The following GSE1 variants were observed in gnomAD, a reference collection of about 807,000 sequenced individuals.
GSE1 encodes genetic suppressor element 1.
A neutral mutation model predicts 112.6 loss-of-function variants in GSE1; 32 were observed. The observed-to-expected ratio is 0.28, with a 90% CI of 0.21 to 0.38. The LOEUF (loss-of-function observed/expected upper bound fraction) is 0.38. GSE1 is among the 10% of genes least tolerant of loss of function. The probability of loss-of-function intolerance (pLI) is 1.00; values close to 1 mark genes in which losing one functional copy is unlikely to be tolerated. For missense variants in GSE1, 2,348 were observed against 1,699.2 expected (o/e 1.38, Z -6.71); for synonymous variants, 1,115 against 735.6 (o/e 1.52, Z -8.35).
chr16:85,491,061 G>C (rs2050995721), intron 2 of GSE1, among the ~76,000 whole-genome samples: 1 of 152,202 alleles, frequency 6.6e-6, no homozygotes, highest in Non-Finnish European at 1.5e-5. Context: ...CCTTGAGGTA[G>C]GTCCTGCAGG....
rs117445799 is a variant in GSE1 at position 85,245,321 on chromosome 16, T to G, written c.2283+73514T>G. On this transcript the variant is annotated intron_variant, in intron 1 of 2. Coordinates refer to the GSE1 transcript ENST00000637419. ...AGATTGGCTAGTATTCGAGAGGCAC[T>G]GAAGTCAGAGCATCACCCTCCCGAG... Among the ~76,000 whole-genome samples the G allele has an allele frequency of 9.4e-3, 1,436 of 152,346 alleles. 12 individuals carry two copies. Among genetic ancestry groups the G allele is most frequent in the Non-Finnish European group, 0.015 (1,008 of 68,022 alleles).
intron 2 of GSE1, among the ~76,000 whole-genome samples, chr16:85,473,629 A>T (rs2050362928): frequency 6.6e-6 from 1 of 152,208 alleles, no homozygotes; most frequent in Non-Finnish European, 1.5e-5. Flanking sequence ...GTAAGGACAC[A>T]CATCGTGGGA....
rs1322135873 is a variant in GSE1, at chr16:85,658,611, C to G, written c.1640+1007C>G. On this transcript the variant is annotated intron_variant, in intron 8 of 15. Coordinates refer to ENST00000253458, the MANE Select transcript of GSE1 (RefSeq NM_014615.5). The stretch of plus-strand genomic sequence containing the variant: ...CAGGGATGACTGGGAGTGACTGTCA[C>G]CAGGCCACAGCTAAGTCTCCCTGTG... 2.0e-5 allele frequency among the ~76,000 whole-genome samples: 3 copies of G among 152,336 alleles called. No individual in the cohort carries two copies. The South Asian group carries it at 6.2e-4, about 32-fold the overall frequency.
intron 5 of GSE1, 54 bp from the exon 6 acceptor site, chr16:85,655,672 C>T: frequency 1.6e-6 from 2 of 1,247,478 alleles, no homozygotes; most frequent in Non-Finnish European, 2.3e-6. Flanking sequence ...GTCGACAGGG[C>T]TGGGTCTTCC....
intron 1 of GSE1, among the ~76,000 whole-genome samples, chr16:85,240,959 G>GC (rs1393513850): frequency 9.2e-5 from 14 of 152,138 alleles, no homozygotes. Flanking sequence ...TAGAAAAAAT[G>GC]CCCCCTTGAA....
chr16:85,248,763 G>T (rs1455642884), intron 1 of GSE1, among the ~76,000 whole-genome samples: 2 of 152,358 alleles, frequency 1.3e-5, no homozygotes, highest in South Asian at 2.1e-4. Flanking sequence ...AGCTCAGAAG[G>T]TCTTTAGTTA....
chr16:85,559,636 A>C (rs2045416492), intron 1 of GSE1, among the ~76,000 whole-genome samples: 1 of 133,012 alleles, frequency 7.5e-6, no homozygotes, highest in Non-Finnish European at 1.6e-5. Context: ...GAGGCTGGGC[A>C]GTAGGTTTGA....
intron 1 of GSE1, among the ~76,000 whole-genome samples, chr16:85,298,435 T>C (rs569527930): frequency 6.6e-6 from 1 of 152,300 alleles, no homozygotes; most frequent in South Asian, 2.1e-4. Context: ...TTTATTATTA[T>C]TATTGTTATT....
chr16:85,645,253 T>C (rs2050758545), intron 2 of GSE1, among the ~76,000 whole-genome samples: 1 of 151,976 alleles, frequency 6.6e-6, no homozygotes, highest in African/African-American at 2.4e-5. Flanking sequence ...ATTCCCCACC[T>C]GGGCCAGATC....
chr16:85,194,345 G>C (rs1182749253), intron 1 of GSE1, among the ~76,000 whole-genome samples: 1 of 152,138 alleles, frequency 6.6e-6, no homozygotes, highest in Non-Finnish European at 1.5e-5. Context: ...CAGTGGATTC[G>C]CTTAACGTCA....
chr16:85,205,541 T>C (rs1243871474), intron 1 of GSE1, among the ~76,000 whole-genome samples: 1 of 152,156 alleles, frequency 6.6e-6, no homozygotes, highest in Non-Finnish European at 1.5e-5. Context: ...GGGCTTTGTG[T>C]CTTCACTGCC....
chr16:85,607,411 G>C (rs1439573399), upstream of GSE1, among the ~76,000 whole-genome samples: 1 of 152,252 alleles, frequency 6.6e-6, no homozygotes, highest in Admixed American at 6.5e-5. Context: ...ACCAGGGCTC[G>C]GCGGCGCTCA....
intron 14 of GSE1, among the ~76,000 whole-genome samples, chr16:85,670,373 T>TC (rs2053232712): frequency 6.6e-6 from 1 of 152,196 alleles, no homozygotes; most frequent in Non-Finnish European, 1.5e-5. Flanking sequence ...GAGTTTTTCA[T>TC]CCTTTGATTT....
chr16:85,637,907 C>T lies in GSE1; in HGVS notation c.226+3775C>T, dbSNP rs998529942. ...CCAGGGCTGCCTCCTGGCGACGGCACGTCCTGGGCAGAGGGGGCAGGGATG... is the reference window on the plus strand; with the variant it reads ...CCAGGGCTGCCTCCTGGCGACGGCATGTCCTGGGCAGAGGGGGCAGGGATG... On this transcript the variant is annotated intron_variant, in intron 2 of 15. Coordinates refer to ENST00000253458, the MANE Select transcript of GSE1 (RefSeq NM_014615.5). Among the ~76,000 whole-genome samples, 5 of 152,300 alleles carry T rather than the reference C, an allele frequency of 3.3e-5. No homozygotes were observed. The East Asian group carries it at 5.8e-4, about 18-fold the overall frequency.
chr16:85,478,791 C>T (rs1400750408), intron 2 of GSE1, among the ~76,000 whole-genome samples: 4 of 151,202 alleles, frequency 2.6e-5, no homozygotes, highest in Admixed American at 6.6e-5. Context: ...CCTCAGCCTC[C>T]GAAGTAGTTG....
chr16:85,666,635 A>G, intron 13 of GSE1: 2 of 428,552 alleles, frequency 4.7e-6, no homozygotes, highest in Middle Eastern at 6.6e-4. Context: ...GAACGCCGAC[A>G]GGCATTGGTT....
intron 2 of GSE1, among the ~76,000 whole-genome samples, chr16:85,547,818 G>A (rs1388291746): frequency 6.7e-6 from 1 of 148,696 alleles, no homozygotes; most frequent in African/African-American, 2.5e-5. Flanking sequence ...GGCGGAGGCT[G>A]TAGTGAGCCG....
At chr16:85,200,549 G>A (rs991604010) in intron 1 of GSE1, among the ~76,000 whole-genome samples, 21 of 152,122 alleles carry the variant, frequency 1.4e-4, no homozygotes, top group Admixed American at 3.9e-4. Context: ...CTGGGCAGGT[G>A]TTTCCAGGTG....
intron 2 of GSE1, among the ~76,000 whole-genome samples, chr16:85,367,203 C>T (rs2047202802): frequency 6.6e-6 from 1 of 152,236 alleles, no homozygotes; most frequent in Admixed American, 6.5e-5. Flanking sequence ...TCACCCATGA[C>T]CTTCTAAGTG....
Sources: allele counts gnomAD v4.1 joint callset (sites outside exome capture counted in the v4.1 genomes callset), GRCh38; gene constraint gnomAD v4.1.1; transcripts MANE v1.5; gene names NCBI Gene and HGNC (gene_info 2026-07-23, HGNC 2026-07-21).